The following RASA3 variants were observed in gnomAD, a reference collection of about 807,000 sequenced individuals.
RASA3 encodes the protein ras GTPase-activating protein 3.
Under a neutral mutation model 110.0 loss-of-function variants are expected in RASA3, and 73 were observed. The ratio of observed to expected loss-of-function variants is 0.66; its 90% CI spans 0.55 to 0.81. The LOEUF (loss-of-function observed/expected upper bound fraction) is 0.81. RASA3 is among the 30% of genes least tolerant of loss of function. The pLI is 0.00. For missense variants in RASA3, 976 were observed against 1,113.2 expected (o/e 0.88, Z 1.75); for synonymous variants, 500 against 451.4 (o/e 1.11, Z -1.37).
intron 2 of RASA3, among the ~76,000 whole-genome samples, chr13:114,072,985 A>G (rs1480186840): frequency 8.7e-5 from 13 of 149,470 alleles, no homozygotes; most frequent in East Asian, 6.0e-4. Flanking sequence ...CATTGTCTAC[A>G]CATAGAAAAA....
chr13:113,992,719 G>A (rs1566449213), intron 21 of RASA3, 131 bp from the exon 22 acceptor site: 1 of 750,816 alleles, frequency 1.3e-6, no homozygotes, highest in South Asian at 1.6e-5. Flanking sequence ...CGACAGGATC[G>A]ATTTGCTGTC....
chr13:114,081,653 G>A (rs2079790282), intron 1 of RASA3, among the ~76,000 whole-genome samples: 1 of 152,174 alleles, frequency 6.6e-6, no homozygotes, highest in African/African-American at 2.4e-5. Context: ...GCAGACAGGG[G>A]ACCTCTCCTC....
At chr13:113,981,600 C>T (rs1594270724) in intron 23 of RASA3, 75 bp downstream of exon 23, 1 of 1,529,844 alleles carries the variant, frequency 6.5e-7, no homozygotes, top group East Asian at 2.3e-5. Flanking sequence ...CGGGAGCTCC[C>T]TGCAGCCCCA....
intron 6 of RASA3, 135 bp from the exon 7 acceptor site, chr13:114,027,596 C>T (rs2054050472): frequency 3.8e-6 from 3 of 783,054 alleles, no homozygotes; most frequent in Non-Finnish European, 6.2e-6. Flanking sequence ...TGCTGGTCTC[C>T]AACTCCAGAT....
intron 9 of RASA3, 64 bp from the exon 10 acceptor site, chr13:114,018,983 G>A (rs1156308054): frequency 3.8e-6 from 6 of 1,595,558 alleles, no homozygotes; most frequent in Non-Finnish European, 5.1e-6. Context: ...CAGCTCTCAG[G>A]GAAGCCCAGC....
In RASA3 at chr13:113,979,306, A is replaced by G. The variant is rs2052850386; in HGVS notation, c.*41T>C. On this transcript the variant is annotated 3_prime_UTR_variant, in exon 24 of 24. Transcript: ENST00000334062. The stretch of plus-strand genomic sequence containing the variant: ...TCCCTCCCAAAGGCTGCGGCTTTGC[A>G]TGGGCAGCTTGCTGGCGCCACTGGG... 8 of 1,516,816 alleles carry G rather than the reference A, an allele frequency of 5.3e-6. No homozygotes were observed. The Admixed American group carries it at 1.0e-4, about 19-fold the overall frequency. 94.0% of individuals were successfully genotyped at this position (1,516,816 alleles called of 1,614,324 possible). A position where few individuals can be genotyped will look rare whatever the true frequency, so the allele number is the denominator to read the frequency against.
At chr13:114,018,619 G>C in intron 10 of RASA3, 144 bp downstream of exon 10, 1 of 1,079,636 alleles carries the variant, frequency 9.3e-7, no homozygotes, top group Non-Finnish European at 1.3e-6. Flanking sequence ...CAGGCATCTG[G>C]ACGGGAAACA....
intron 2 of RASA3, 54 bp from the exon 3 acceptor site, chr13:114,052,209 C>T: frequency 7.3e-6 from 9 of 1,232,062 alleles, no homozygotes; most frequent in South Asian, 4.9e-5. Flanking sequence ...TTGCGCCTCA[C>T]CCCCGGGGCA....
At chr13:114,128,112 G>A (rs1280083216) in intron 1 of RASA3, among the ~76,000 whole-genome samples, 2 of 152,194 alleles carry the variant, frequency 1.3e-5, no homozygotes, top group Non-Finnish European at 1.5e-5. Context: ...AGCTGAGCTC[G>A]GTTAATAAAA....
At chr13:114,019,008 C>T in intron 9 of RASA3, 89 bp from the exon 10 acceptor site, 5 of 1,522,340 alleles carry the variant, frequency 3.3e-6, no homozygotes, top group Non-Finnish European at 3.6e-6. Context: ...TGCTTGAGGT[C>T]GACTGGTCAG....
At chr13:114,055,127 T>C (rs1204304680) in intron 2 of RASA3, among the ~76,000 whole-genome samples, 1 of 149,054 alleles carries the variant, frequency 6.7e-6, no homozygotes, top group Non-Finnish European at 1.5e-5. Context: ...CAGGCAGGTG[T>C]GCATGTTCAT....
At chr13:114,013,383 C>CTCTCCCTCTGTCTG (rs1555328554) in intron 14 of RASA3, 135 bp from the exon 15 acceptor site, 2 of 554,092 alleles carry the variant, frequency 3.6e-6, no homozygotes, top group South Asian at 4.5e-5. Flanking sequence ...GTGTCTGTCT[C>CTCTCCCTCTGTCTG]TCTCCCTCTC....
At chr13:114,019,498 A>T (rs1322145924) in intron 9 of RASA3, among the ~76,000 whole-genome samples, 4 of 151,560 alleles carry the variant, frequency 2.6e-5, no homozygotes, top group Non-Finnish European at 4.4e-5. Flanking sequence ...CCTGTGTCCG[A>T]GGCCCCGCCC....
intron 4 of RASA3, among the ~76,000 whole-genome samples, chr13:114,033,973 C>T (rs1435945145): frequency 1.3e-5 from 2 of 152,264 alleles, no homozygotes; most frequent in Admixed American, 6.5e-5. Context: ...TCTTCCCACA[C>T]CCATCAGAGC....
At chr13:114,124,757 C>T (rs2149773) in intron 1 of RASA3, among the ~76,000 whole-genome samples, 26,151 of 152,276 alleles carry the variant, frequency 0.17, 2,435 homozygotes, top group Middle Eastern at 0.28. Context: ...GCATTTCCCA[C>T]ACAGCACATT....
In RASA3 at chr13:114,024,302, T is replaced by C. The variant is rs1351780915; in HGVS notation, c.657A>G (p.Glu219=). Residue 219 remains glutamate, a synonymous_variant, in exon 8 of 24, where the codon GAA becomes GAG. Coordinates refer to ENST00000334062, the MANE Select transcript of RASA3 (RefSeq NM_007368.4). ...ACCTGATTTCGAGCTTGTCCACGTC[T>C]TCCTCCTCAAAGTCAAAGTGGGACT... is the stretch of plus-strand genomic sequence containing the variant. ...SKKSHFDFEE[E]DVDKLEIRVD... 1 of 1,614,028 alleles carries C rather than the reference T, an allele frequency of 6.2e-7. No individual in the cohort carries two copies. Among genetic ancestry groups the C allele is most frequent in the East Asian group, 2.2e-5 (1 of 44,878 alleles).
chr13:114,101,403 G>A (rs1354449575), intron 1 of RASA3, among the ~76,000 whole-genome samples: 1 of 152,210 alleles, frequency 6.6e-6, no homozygotes, highest in African/African-American at 2.4e-5. Context: ...TCTACAGGAA[G>A]GACAGAGGCA....
At position 114,062,042 on chromosome 13, in the gene RASA3, G is replaced by C. The variant is rs545643701; in HGVS notation, c.174-9887C>G. On this transcript the variant is annotated intron_variant, in intron 2 of 23. Transcript: ENST00000334062. ...TCGGACTGACGCCGTCCTGGACCAT[G>C]TCCACGTCTGGGGTCTGCAGGTTCC... 9.8e-5 allele frequency among the ~76,000 whole-genome samples: 15 copies of C among 152,310 alleles called. 1 individual carries two copies. The South Asian group carries it at 2.7e-3, about 27-fold the overall frequency.
At position 114,014,511 on chromosome 13, in the gene RASA3, G is replaced by A. The variant is rs74116415; in HGVS notation, c.1405+698C>T. ...GAGGCCACAGGACACGCAAGGAAGA[G>A]AGGAGCCGGCAGCAAGGCCCTCGCT... On this transcript the variant is annotated intron_variant, in intron 14 of 23. Transcript: ENST00000334062. The surrounding 1 kb of genome is among the most constrained non-coding windows in gnomAD (Gnocchi z 4.5). Among the ~76,000 whole-genome samples, 2,985 of 152,300 alleles carry A rather than the reference G, an allele frequency of 0.02. 99 individuals are homozygous for A. The highest frequency in any genetic ancestry group is 0.068 in the African/African-American group (2,814 of 41,570).
Sources: gnomAD v4.1 joint callset for allele counts (sites outside exome capture counted in the v4.1 genomes callset) on GRCh38, gnomAD v4.1.1 for gene constraint, Gnocchi (gnomAD v3.1) non-coding constraint, MANE v1.5 for transcripts, NCBI Gene and HGNC (gene_info 2026-07-23, HGNC 2026-07-21) for gene names.